RNF150: variants seen among roughly 807,000 people sequenced by gnomAD.
RNF150 encodes ring finger protein 150.
Under a neutral mutation model 39.3 loss-of-function variants are expected in RNF150, and 24 were observed. The ratio of observed to expected loss-of-function variants is 0.61; its 90% confidence interval spans 0.44 to 0.86. RNF150 has a LOEUF of 0.86. Ranked by LOEUF, RNF150 falls within the 40% of genes least tolerant of loss-of-function variation. The pLI is 0.00. For synonymous variants in RNF150, 255 were observed against 227.3 expected, an observed-to-expected ratio of 1.12 and a Z score of -1.10; for missense variants, 502 against 587.8, an observed-to-expected ratio of 0.85 and a Z score of 1.51.
intron 1 of RNF150, among the ~76,000 whole-genome samples, chr4:141,064,506 G>C (rs111833047): frequency 2.0e-5 from 3 of 152,250 alleles, no homozygotes; most frequent in African/African-American, 7.2e-5. Flanking sequence ...GGGAAGCTGA[G>C]GCAGGAGGAT....
At chr4:140,963,829 A>C (rs1733133090) in intron 2 of RNF150, among the ~76,000 whole-genome samples, 1 of 152,068 alleles carries the variant, frequency 6.6e-6, no homozygotes, top group Non-Finnish European at 1.5e-5. Flanking sequence ...GTTAAAATCA[A>C]ACATCCATTC....
chr4:141,066,254 C>A (rs968469405), intron 1 of RNF150, among the ~76,000 whole-genome samples: 1 of 150,600 alleles, frequency 6.6e-6, no homozygotes, highest in African/African-American at 2.4e-5. Flanking sequence ...AAAAAAAAAA[C>A]CATTCCTCAG....
Position 140,868,306 on chromosome 4 carries a change from A to T in RNF150, c.1272T>A (p.Asp424Glu). The T allele has an allele frequency of 6.2e-7, 1 of 1,612,568 alleles. No individual in the cohort carries two copies. Among genetic ancestry groups the T allele is most frequent in the Non-Finnish European group, 8.5e-7 (1 of 1,178,588 alleles). Residue 424 changes from aspartate to glutamate, a missense_variant, in exon 7 of 7, where the codon GAT (aspartate) becomes GAA (glutamate). Transcript: ENST00000515673. ...AGTCCTGGTCAGTGGAAAGTTCTAC[A>T]TCAGACAGTCCAACCTCCATTGCCA... ...LIMAMEVGLS[D>E]VELSTDQDCE...
At chr4:140,922,755 C>G (rs891809791) in intron 5 of RNF150, among the ~76,000 whole-genome samples, 2 of 151,998 alleles carry the variant, frequency 1.3e-5, no homozygotes, top group African/African-American at 2.4e-5. Context: ...CAGCATGGTA[C>G]TGGTACCAAA....
intron 5 of RNF150, among the ~76,000 whole-genome samples, chr4:140,925,119 G>C (rs2111319113): frequency 6.6e-6 from 1 of 152,278 alleles, no homozygotes; most frequent in South Asian, 2.1e-4. Flanking sequence ...GGGGGAGCTG[G>C]CATCTGCATT....
At chr4:141,104,555 T>C (rs1226356802) in intron 1 of RNF150, among the ~76,000 whole-genome samples, 1 of 152,164 alleles carries the variant, frequency 6.6e-6, no homozygotes, top group African/African-American at 2.4e-5. Flanking sequence ...ATTGGTACAT[T>C]CAATGTTGTG....
chr4:141,071,798 T>C (rs528073464), intron 1 of RNF150, among the ~76,000 whole-genome samples: 4 of 152,204 alleles, frequency 2.6e-5, no homozygotes, highest in African/African-American at 9.6e-5. Context: ...AGAATAAAGG[T>C]ATTCAGAAAA....
At chr4:140,978,787 T>A (rs1020684906) in intron 1 of RNF150, among the ~76,000 whole-genome samples, 2 of 152,122 alleles carry the variant, frequency 1.3e-5, no homozygotes, top group African/African-American at 4.8e-5. Flanking sequence ...TCTTAAAAAA[T>A]AACTTGCTGC....
intron 1 of RNF150, among the ~76,000 whole-genome samples, chr4:141,002,336 C>T (rs911527660): frequency 6.6e-6 from 1 of 151,978 alleles, no homozygotes; most frequent in Non-Finnish European, 1.5e-5. Flanking sequence ...TGGCTCCTAC[C>T]AGAGTTCTAT....
chr4:141,209,759 G>A (rs1011690218), intron 1 of RNF150, among the ~76,000 whole-genome samples: 1 of 151,902 alleles, frequency 6.6e-6, no homozygotes, highest in Non-Finnish European at 1.5e-5. Context: ...CAAAATGGGG[G>A]GGTATCTATA....
intron 1 of RNF150, among the ~76,000 whole-genome samples, chr4:141,003,377 C>T (rs1734742035): frequency 6.6e-6 from 1 of 152,152 alleles, no homozygotes; most frequent in African/African-American, 2.4e-5. Context: ...GAACTACAAC[C>T]CTTGCACACA....
intron 1 of RNF150, among the ~76,000 whole-genome samples, chr4:141,143,376 T>C (rs1330259129): frequency 6.6e-6 from 1 of 152,204 alleles, no homozygotes; most frequent in Non-Finnish European, 1.5e-5. Flanking sequence ...TTTTTATTCC[T>C]TGCTTTCCCT....
intron 1 of RNF150, among the ~76,000 whole-genome samples, chr4:141,024,210 C>T (rs1380328541): frequency 6.6e-6 from 1 of 152,024 alleles, no homozygotes; most frequent in African/African-American, 2.4e-5. Context: ...AATGGGACTA[C>T]AGAATAGTGT....
chr4:141,201,949 G>T (rs1032794010), intron 1 of RNF150, among the ~76,000 whole-genome samples: 4 of 152,068 alleles, frequency 2.6e-5, no homozygotes, highest in African/African-American at 9.7e-5. Context: ...TCATGAATGG[G>T]ATTAATGCCC....
At chr4:140,914,987 T>C (rs2111285261) in intron 5 of RNF150, among the ~76,000 whole-genome samples, 1 of 152,354 alleles carries the variant, frequency 6.6e-6, no homozygotes, top group East Asian at 1.9e-4. Flanking sequence ...ATATGCCACA[T>C]GTATTTGAAT....
chr4:140,935,007 A>G (rs1476137095), intron 4 of RNF150, among the ~76,000 whole-genome samples: 3 of 105,322 alleles, frequency 2.8e-5, no homozygotes, highest in Non-Finnish European at 5.5e-5. Flanking sequence ...ATATATATAT[A>G]AATATATATA....
chr4:141,073,850 G>T (rs1246315604), intron 1 of RNF150, among the ~76,000 whole-genome samples: 2 of 152,202 alleles, frequency 1.3e-5, no homozygotes, highest in East Asian at 3.9e-4. Context: ...AACTGTCCAG[G>T]TAGAGAGGGA....
intron 1 of RNF150, among the ~76,000 whole-genome samples, chr4:141,171,447 A>T (rs1727719417): frequency 8.6e-6 from 1 of 116,852 alleles, no homozygotes; most frequent in African/African-American, 3.5e-5. Context: ...TGCATCTATG[A>T]GAGACAGACA....
At chr4:141,120,213 T>C (rs1439412816) in intron 1 of RNF150, among the ~76,000 whole-genome samples, 1 of 151,952 alleles carries the variant, frequency 6.6e-6, no homozygotes, top group Admixed American at 6.6e-5. Flanking sequence ...TTTCTAGTAG[T>C]GATAAGATAA....
Sources: gnomAD v4.1 joint callset for allele counts (sites outside exome capture counted in the v4.1 genomes callset) on GRCh38, gnomAD v4.1.1 for gene constraint, MANE v1.5 for transcripts, NCBI Gene and HGNC (gene_info 2026-07-23, HGNC 2026-07-21) for gene names.